Variants in PDZD2 observed in about 807,000 individuals in gnomAD.
PDZD2 encodes PDZ domain-containing protein 2.
PDZD2 carries 90 observed loss-of-function variants against 220.7 expected under a neutral mutation model. The ratio of observed to expected loss-of-function variants is 0.41; its 90% CI spans 0.34 to 0.49. PDZD2 has a LOEUF of 0.49. Among genes scored for constraint, PDZD2 ranks in the 20% least tolerant of loss-of-function variants. The pLI is 0.28. For missense variants in PDZD2, 3,174 were observed against 3,608.5 expected (o/e 0.88, Z 3.08); for synonymous variants, 1,375 against 1,450.5 (o/e 0.95, Z 1.18).
At chr5:31,969,531 A>AAAAAAAAAAAAAAAAAAAAAAAAAC (rs1749095050) in intron 2 of PDZD2, among the ~76,000 whole-genome samples, 1 of 145,542 alleles carries the variant, frequency 6.9e-6, no homozygotes, top group Non-Finnish European at 1.5e-5. Flanking sequence ...AAAAAAAAAA[A>AAAAAAAAAAAAAAAAAAAAAAAAAC]AAAACAATGG....
chr5:32,010,001 C>T (rs1753156072), intron 5 of PDZD2, among the ~76,000 whole-genome samples: 1 of 148,344 alleles, frequency 6.7e-6, no homozygotes, highest in Non-Finnish European at 1.5e-5. Flanking sequence ...GCAGGAGAAT[C>T]ACTTGAACCC....
intron 2 of PDZD2, among the ~76,000 whole-genome samples, chr5:31,861,905 T>A (rs969324873): frequency 1.3e-5 from 2 of 149,424 alleles, no homozygotes; most frequent in Non-Finnish European, 3.0e-5. Flanking sequence ...GTAGCAATGA[T>A]GTACTCTATT....
At chr5:31,775,664 C>CGTGTGTGTGTGTGTGTGT (rs370394146) in intron 1 of PDZD2, among the ~76,000 whole-genome samples, 3 of 135,472 alleles carry the variant, frequency 2.2e-5, no homozygotes, top group African/African-American at 5.6e-5. Context: ...ACTCACAGAG[C>CGTGTGTGTGTGTGTGTGT]GTGTGTGTGT....
At chr5:31,943,909 C>A (rs1298822113) in intron 2 of PDZD2, among the ~76,000 whole-genome samples, 1 of 152,194 alleles carries the variant, frequency 6.6e-6, no homozygotes, top group Non-Finnish European at 1.5e-5. Context: ...ATGTAGGCAA[C>A]AAAGGACAGT....
chr5:31,981,224 G>T (rs576009942), intron 2 of PDZD2, among the ~76,000 whole-genome samples: 10 of 152,184 alleles, frequency 6.6e-5, no homozygotes, highest in Admixed American at 3.3e-4. Context: ...AAGAAGGTTT[G>T]GTTGATGTTT....
At chr5:31,946,865 T>C (rs184411932) in intron 2 of PDZD2, among the ~76,000 whole-genome samples, 88 of 152,276 alleles carry the variant, frequency 5.8e-4, no homozygotes, top group South Asian at 3.5e-3. Flanking sequence ...CACTGGCTAG[T>C]TTTTAAAAAT....
chr5:31,857,914 T>C (rs573520298), intron 2 of PDZD2, among the ~76,000 whole-genome samples: 93 of 152,170 alleles, frequency 6.1e-4, no homozygotes, highest in African/African-American at 2.2e-3. Context: ...GCAACCCCTG[T>C]CTCCCGGGTT....
intron 1 of PDZD2, among the ~76,000 whole-genome samples, chr5:31,796,907 T>A (rs1235047130): frequency 6.7e-6 from 1 of 150,244 alleles, no homozygotes; most frequent in African/African-American, 2.5e-5. Context: ...ATTTACGGGG[T>A]TTTTTTTGTT....
intron 6 of PDZD2, among the ~76,000 whole-genome samples, chr5:32,030,222 G>GAAGA (rs1201572322): frequency 6.6e-6 from 1 of 152,208 alleles, no homozygotes; most frequent in Non-Finnish European, 1.5e-5. Context: ...TGCTTAGACT[G>GAAGA]AAGAAAGCTT....
At chr5:31,906,418 C>T (rs1174261280) in intron 2 of PDZD2, among the ~76,000 whole-genome samples, 2 of 151,444 alleles carry the variant, frequency 1.3e-5, no homozygotes, top group Non-Finnish European at 2.9e-5. Context: ...CCATGTTACC[C>T]AGACTAGTCT....
intron 1 of PDZD2, among the ~76,000 whole-genome samples, chr5:31,688,447 G>A (rs1225306917): frequency 3.3e-5 from 5 of 152,156 alleles, no homozygotes; most frequent in South Asian, 2.1e-4. Context: ...CTGTAAGCAC[G>A]AAGAGCAAAC....
At chr5:31,816,686 T>C (rs1404477181) in intron 2 of PDZD2, among the ~76,000 whole-genome samples, 1 of 152,172 alleles carries the variant, frequency 6.6e-6, no homozygotes, top group Non-Finnish European at 1.5e-5. Context: ...TTAAAAACTA[T>C]TAAAAGTACA....
chr5:32,103,233 A>G (rs1744433677), intron 24 of PDZD2, among the ~76,000 whole-genome samples: 1 of 152,102 alleles, frequency 6.6e-6, no homozygotes, highest in African/African-American at 2.4e-5. Context: ...ATCTGAATGT[A>G]TTTATTTAAA....
intron 11 of PDZD2, 70 bp from the exon 12 acceptor site, chr5:32,057,804 GTTTT>G: frequency 9.1e-7 from 1 of 1,093,398 alleles, no homozygotes; most frequent in Non-Finnish European, 1.3e-6. Context: ...TTGGTGAGTT[GTTTT>G]TTTTTTTTAA....
In PDZD2 at chr5:32,089,039, C is replaced by T; in HGVS notation, c.5591C>T (p.Ser1864Phe). 6.2e-7 allele frequency: 1 copy of T among 1,613,892 alleles called. No individual in the cohort carries two copies. ...PKTNLENKDL[S>F]KKSPAEMLLT... ...ACAAACCTGGAAAATAAGGACCTGT[C>T]TAAGAAGAGTCCGGCAGAAATGCTT... The change falls in exon 20 of 25, where the codon TCT becomes TTT. Residue 1864 changes from serine to phenylalanine, a missense_variant. Physicochemically the swap from Ser to Phe is radical, Grantham distance 155. Around this residue, in one of 4 missense-constraint regions of PDZD2, gnomAD observed 1,861 missense variants for 2,001.0 expected, o/e 0.93. Coordinates refer to ENST00000438447, the MANE Select transcript of PDZD2 (RefSeq NM_178140.4).
At chr5:32,100,761 C>A in intron 23 of PDZD2, 3 of 584,918 alleles carry the variant, frequency 5.1e-6, no homozygotes, top group East Asian at 6.0e-5. Flanking sequence ...TGACTTCAGT[C>A]CTCACTGAGA....
chr5:31,762,962 A>C (rs1286480209), intron 1 of PDZD2, among the ~76,000 whole-genome samples: 1 of 152,096 alleles, frequency 6.6e-6, no homozygotes, highest in East Asian at 1.9e-4. Context: ...ACTTCCCCTC[A>C]GCAATGAGCA....
At chr5:31,927,835 C>T (rs1219418920) in intron 2 of PDZD2, among the ~76,000 whole-genome samples, 4 of 152,162 alleles carry the variant, frequency 2.6e-5, no homozygotes, top group African/African-American at 9.7e-5. Context: ...ACCCATGGGC[C>T]TAAGAGATGT....
chr5:31,881,001 C>A (rs1429011735), intron 2 of PDZD2, among the ~76,000 whole-genome samples: 3 of 151,530 alleles, frequency 2.0e-5, no homozygotes, highest in Non-Finnish European at 4.4e-5. Flanking sequence ...GGGGTTTCAC[C>A]ACGTTGGCCA....
Sources: gnomAD v4.1 joint callset for allele counts (sites outside exome capture counted in the v4.1 genomes callset) on GRCh38, gnomAD v4.1.1 for gene constraint, gnomAD v4.1.1 regional missense constraint, MANE v1.5 for transcripts, NCBI Gene and HGNC (gene_info 2026-07-23, HGNC 2026-07-21) for gene names.